DISP1: variants seen among roughly 807,000 people sequenced by gnomAD.
The protein encoded by DISP1 is protein dispatched homolog 1.
DISP1 carries 30 observed loss-of-function variants against 37.3 expected under a neutral mutation model. The observed-to-expected ratio is 0.80, with a 90% CI of 0.60 to 1.09. DISP1 has a LOEUF of 1.09. DISP1 is among the 50% of genes least tolerant of loss of function. The pLI is 0.00. For missense variants in DISP1, 1,598 were observed against 1,879.5 expected (o/e 0.85, Z 2.77); for synonymous variants, 634 against 690.2 (o/e 0.92, Z 1.28).
intron 4 of DISP1, among the ~76,000 whole-genome samples, chr1:222,984,183 A>G (rs574034418): frequency 1.6e-3 from 241 of 152,106 alleles, no homozygotes; most frequent in Middle Eastern, 6.8e-3. Flanking sequence ...AGGCAGGCGG[A>G]TCACTTGAGG....
chr1:222,981,649 T>C (rs755696214), intron 3 of DISP1, among the ~76,000 whole-genome samples: 2 of 152,138 alleles, frequency 1.3e-5, no homozygotes, highest in Non-Finnish European at 2.9e-5. Context: ...GAAATGTAAA[T>C]GGAGAGAGAA....
intron 2 of DISP1, among the ~76,000 whole-genome samples, chr1:222,936,900 A>ATATATAATATATTATATAT (rs1673909747): frequency 1.1e-5 from 1 of 90,386 alleles, no homozygotes; most frequent in South Asian, 2.7e-4. Flanking sequence ...TATATTATTT[A>ATATATAATATATTATATAT]TATATAATAT....
intron 1 of DISP1, among the ~76,000 whole-genome samples, chr1:222,925,944 A>G (rs569033179): frequency 3.3e-5 from 5 of 152,290 alleles, no homozygotes; most frequent in African/African-American, 9.6e-5. Context: ...CATCCGAAAA[A>G]ATTCACCATT....
At chr1:223,002,009 C>T (rs1384865741) in intron 8 of DISP1, among the ~76,000 whole-genome samples, 1 of 152,184 alleles carries the variant, frequency 6.6e-6, no homozygotes, top group Non-Finnish European at 1.5e-5. Context: ...CATGTATATA[C>T]ATAAGCTTCA....
chr1:222,936,835 A>ATATATCATATATATTATATATAATT (rs1673856606), intron 2 of DISP1, among the ~76,000 whole-genome samples: 1 of 38,946 alleles, frequency 2.6e-5, no homozygotes. Context: ...TATATAAATT[A>ATATATCATATATATTATATATAATT]TATATATCAT....
intron 1 of DISP1, among the ~76,000 whole-genome samples, chr1:222,817,090 G>T (rs750792013): frequency 2.6e-5 from 4 of 152,198 alleles, no homozygotes; most frequent in Non-Finnish European, 5.9e-5. Flanking sequence ...GTTGAGGTTG[G>T]ATTGCCCTGT....
Position 223,003,429 on chromosome 1 carries a change from TATG to T in DISP1, c.2035_2037del (p.Asp679del), listed in dbSNP as rs1431994337. Reference sequence around the variant, plus strand: ...CTTCAAAAAGCCCCAGCAGCAAATATATGATAACAAAAGCTGCTGGACAGTGGC... The same window carrying T: ...CTTCAAAAAGCCCCAGCAGCAAATATATAACAAAAGCTGCTGGACAGTGGC... On this transcript the variant is annotated inframe_deletion, in exon 9 of 9. Transcript: ENST00000675850. This position sits in a 1 kb window ranked among gnomAD's most constrained non-coding sequence, Gnocchi z 4.3. 1.1e-5 allele frequency: 18 copies of T among 1,614,052 alleles called. No homozygotes were observed. The Middle Eastern group carries it at 4.9e-4, about 44-fold the overall frequency.
At chr1:222,827,181 T>C (rs942789661) in intron 1 of DISP1, 2 of 152,228 alleles carry the variant, frequency 1.3e-5, no homozygotes, top group Non-Finnish European at 2.9e-5. Context: ...AGTTAAAGCA[T>C]GTACAGTACT....
intron 2 of DISP1, among the ~76,000 whole-genome samples, chr1:222,938,352 C>G (rs1477719727): frequency 8.2e-6 from 1 of 121,392 alleles, no homozygotes; most frequent in Non-Finnish European, 1.8e-5. Flanking sequence ...TCCTATTATA[C>G]TTATACTTCC....
chr1:222,939,570 C>T lies in DISP1; in HGVS notation c.-17-3237C>T, dbSNP rs1572565247. Among the ~76,000 whole-genome samples the T allele has an allele frequency of 7.3e-5, 11 of 150,320 alleles. No individual in the cohort carries two copies. In the South Asian group the frequency reaches 2.3e-3, roughly 32 times the overall value. ...GGGCACAGTGGCTCACGCCTGTAAT[C>T]CTAATCCCAGCACTTTGGGAGGTCG... On this transcript the variant is annotated intron_variant, in intron 2 of 8. Coordinates refer to ENST00000675850, the MANE Select transcript of DISP1 (RefSeq NM_001377229.1).
In DISP1 at chr1:222,927,211, G is replaced by C. The variant is rs1173734341; in HGVS notation, c.-158-1219G>C. Among the ~76,000 whole-genome samples, 9 of 149,780 alleles carry C rather than the reference G, an allele frequency of 6.0e-5. No homozygotes were observed. In the Admixed American group the frequency reaches 6.0e-4, roughly 10 times the overall value. ...TCCTTGACAACACTTGTTATTTTCT[G>C]TTTGTTTGAAACAGAATGGTGGATG... On this transcript the variant is annotated intron_variant, in intron 1 of 8. Transcript: ENST00000675850.
intron 1 of DISP1, among the ~76,000 whole-genome samples, chr1:222,836,558 G>A (rs920373552): frequency 6.6e-6 from 1 of 151,834 alleles, no homozygotes; most frequent in African/African-American, 2.4e-5. Flanking sequence ...AACTGGCTGT[G>A]GGACCTTAAA....
chr1:222,877,717 T>G (rs543426284), intron 1 of DISP1, among the ~76,000 whole-genome samples: 14 of 152,322 alleles, frequency 9.2e-5, no homozygotes, highest in African/African-American at 3.1e-4. Context: ...ATTTTACCTA[T>G]TATCAGTGTC....
At chr1:222,962,460 C>T (rs1451692308) in intron 3 of DISP1, among the ~76,000 whole-genome samples, 2 of 152,184 alleles carry the variant, frequency 1.3e-5, no homozygotes, top group Non-Finnish European at 2.9e-5. Context: ...AAAGAACACC[C>T]TGTATAGCCA....
chr1:222,957,317 A>G (rs1369746039), intron 3 of DISP1, among the ~76,000 whole-genome samples: 1 of 152,138 alleles, frequency 6.6e-6, no homozygotes, highest in African/African-American at 2.4e-5. Context: ...GGCCGGGCAC[A>G]GTGGCTCACG....
chr1:222,980,701 A>G (rs1482646563), intron 3 of DISP1, among the ~76,000 whole-genome samples: 1 of 152,192 alleles, frequency 6.6e-6, no homozygotes, highest in African/African-American at 2.4e-5. Context: ...TTAAAAAATG[A>G]ATTATCTTTA....
intron 1 of DISP1, among the ~76,000 whole-genome samples, chr1:222,816,294 G>A (rs1661236264): frequency 6.6e-6 from 1 of 152,042 alleles, no homozygotes; most frequent in South Asian, 2.1e-4. Flanking sequence ...TGATTAATAT[G>A]TGCTTCCTAA....
intron 1 of DISP1, among the ~76,000 whole-genome samples, chr1:222,924,910 T>C (rs1376692113): frequency 6.6e-6 from 1 of 152,094 alleles, no homozygotes; most frequent in Non-Finnish European, 1.5e-5. Flanking sequence ...CAGGCTCTAG[T>C]CTCTTTTTCC....
intron 1 of DISP1, among the ~76,000 whole-genome samples, chr1:222,852,760 C>A (rs911795724): frequency 6.6e-6 from 1 of 152,070 alleles, no homozygotes; most frequent in Admixed American, 6.6e-5. Flanking sequence ...ATAATCAAAC[C>A]AAATGAACAA....
Sources: allele counts gnomAD v4.1 joint callset (sites outside exome capture counted in the v4.1 genomes callset), GRCh38; gene constraint gnomAD v4.1.1; non-coding constraint Gnocchi (gnomAD v3.1); transcripts MANE v1.5; gene names NCBI Gene and HGNC (gene_info 2026-07-23, HGNC 2026-07-21).